Variants in LSAMP observed in about 807,000 individuals in gnomAD.
LSAMP encodes limbic system associated membrane protein.
In LSAMP, 7 loss-of-function variants were observed where a neutral mutation model predicts 38.6. The ratio of observed to expected loss-of-function variants is 0.18; its 90% confidence interval spans 0.10 to 0.34. LSAMP has a LOEUF of 0.34. LSAMP is among the 10% of genes least tolerant of loss of function. LSAMP has a pLI of 1.00. For missense variants in LSAMP, 313 were observed against 420.0 expected (o/e 0.75, Z 2.23); for synonymous variants, 154 against 166.8 (o/e 0.92, Z 0.59).
Position 115,808,413 on chromosome 3 carries a change from C to T in LSAMP, c.*1904G>A, listed in dbSNP as rs1040785962. ...GCAAGGGTTGGTTTTCTGACAAAGA[C>T]ATCTATATGCAGAGAGCCAGCTCTC... On this transcript the variant is annotated 3_prime_UTR_variant, in exon 7 of 7. Transcript: ENST00000490035. 22 of 152,092 alleles carry T rather than the reference C, an allele frequency of 1.4e-4. No homozygotes were observed. The highest frequency in any genetic ancestry group is 4.8e-4 in the African/African-American group (20 of 41,474). The allele number at this position is 152,092 out of a possible 1,614,324, so 9.4% of individuals were successfully genotyped here.
At chr3:116,377,505 T>C (rs1268243014) in intron 1 of LSAMP, among the ~76,000 whole-genome samples, 1 of 152,032 alleles carries the variant, frequency 6.6e-6, no homozygotes, top group Admixed American at 6.6e-5. Flanking sequence ...GTTGATTCCA[T>C]GTCTTTGCTA....
At chr3:116,104,031 A>G (rs1708408212) in intron 1 of LSAMP, among the ~76,000 whole-genome samples, 1 of 152,208 alleles carries the variant, frequency 6.6e-6, no homozygotes. Context: ...CAAAGAATGC[A>G]TTGTTTATTA....
intron 1 of LSAMP, among the ~76,000 whole-genome samples, chr3:116,372,528 G>A (rs527950812): frequency 6.6e-6 from 1 of 151,782 alleles, no homozygotes; most frequent in South Asian, 2.1e-4. Flanking sequence ...GACACCAAAG[G>A]CACAGACAAC....
intron 3 of LSAMP, among the ~76,000 whole-genome samples, chr3:115,886,601 A>G (rs1188410898): frequency 6.6e-6 from 1 of 152,014 alleles, no homozygotes; most frequent in Non-Finnish European, 1.5e-5. Context: ...TTCCCTAAAC[A>G]AAATTGTTAT....
intron 1 of LSAMP, among the ~76,000 whole-genome samples, chr3:116,203,272 G>A (rs1456598476): frequency 2.0e-5 from 3 of 152,060 alleles, no homozygotes; most frequent in Admixed American, 6.6e-5. Context: ...CCTTTATGAG[G>A]TCAAGAAGTT....
intron 1 of LSAMP, among the ~76,000 whole-genome samples, chr3:116,236,358 T>C (rs1559794230): frequency 6.6e-6 from 1 of 152,146 alleles, no homozygotes; most frequent in South Asian, 2.1e-4. Flanking sequence ...ATGTGTAGTA[T>C]AGAGAGGTTC....
chr3:116,236,508 G>A (rs569491351), intron 1 of LSAMP, among the ~76,000 whole-genome samples: 1 of 152,014 alleles, frequency 6.6e-6, no homozygotes, highest in Non-Finnish European at 1.5e-5. Context: ...ACTCACTATT[G>A]GTGCCCACTT....
At chr3:116,303,949 G>C (rs989995394) in intron 1 of LSAMP, among the ~76,000 whole-genome samples, 1 of 152,118 alleles carries the variant, frequency 6.6e-6, no homozygotes, top group Non-Finnish European at 1.5e-5. Context: ...TAATGCCTAT[G>C]GAGGAGTGTG....
intron 1 of LSAMP, among the ~76,000 whole-genome samples, chr3:116,439,453 G>C (rs1009293747): frequency 6.6e-6 from 1 of 151,486 alleles, no homozygotes; most frequent in African/African-American, 2.4e-5. Context: ...GGGACCTACT[G>C]ACTCAAAAAC....
chr3:116,118,688 A>G (rs1045684745), intron 1 of LSAMP, among the ~76,000 whole-genome samples: 1 of 152,176 alleles, frequency 6.6e-6, no homozygotes, highest in Admixed American at 6.5e-5. Flanking sequence ...TCATCTTTGT[A>G]TACACAACAC....
intron 1 of LSAMP, among the ~76,000 whole-genome samples, chr3:116,155,814 A>T (rs1296772051): frequency 1.3e-5 from 2 of 152,092 alleles, no homozygotes; most frequent in African/African-American, 4.8e-5. Flanking sequence ...CATTGATTTC[A>T]GTTGACTATC....
In LSAMP at chr3:116,267,006, T is replaced by A. The variant is rs924826220; in HGVS notation, c.155+177871A>T. 6.1e-4 allele frequency among the ~76,000 whole-genome samples: 93 copies of A among 152,250 alleles called. 1 individual carries two copies. Among genetic ancestry groups the A allele is most frequent in the African/African-American group, 2.1e-3 (88 of 41,552 alleles). ...GTCAACTCATTGACTCTTTATGACA[T>A]CTCATCCTACAGGGCAATGTGATAA... is the stretch of plus-strand genomic sequence containing the variant. On this transcript the variant is annotated intron_variant, in intron 1 of 6. Coordinates refer to ENST00000490035, the MANE Select transcript of LSAMP (RefSeq NM_002338.5).
At chr3:116,169,028 C>G (rs559900387) in intron 1 of LSAMP, among the ~76,000 whole-genome samples, 1 of 152,100 alleles carries the variant, frequency 6.6e-6, no homozygotes, top group African/African-American at 2.4e-5. Flanking sequence ...CAGCAAGACA[C>G]GGTTTTCACA....
intron 2 of LSAMP, among the ~76,000 whole-genome samples, chr3:116,062,249 C>T (rs1941606460): frequency 6.6e-6 from 1 of 152,228 alleles, no homozygotes; most frequent in Non-Finnish European, 1.5e-5. Context: ...TGGCCTATGC[C>T]TGTAATCCCA....
chr3:116,299,899 G>C (rs1239722069), intron 1 of LSAMP, among the ~76,000 whole-genome samples: 1 of 152,318 alleles, frequency 6.6e-6, no homozygotes, highest in Middle Eastern at 3.4e-3. Context: ...CCACAAGTCA[G>C]GTAAGCATTG....
rs143737551 is a variant in LSAMP, at chr3:116,184,868, T to G, written c.156-98312A>C. On this transcript the variant is annotated intron_variant, in intron 1 of 6. Coordinates refer to ENST00000490035, the MANE Select transcript of LSAMP (RefSeq NM_002338.5). ...TTATTTTTCTCTTTCCAACAACAGA[T>G]TCTTTGACTTCACTGGATATTCACA... 6.5e-3 allele frequency among the ~76,000 whole-genome samples: 993 copies of G among 151,992 alleles called. 14 individuals carry two copies. The highest frequency in any genetic ancestry group is 0.023 in the African/African-American group (942 of 41,508).
intron 1 of LSAMP, among the ~76,000 whole-genome samples, chr3:116,127,695 ATTTTTTTT>A (rs67470158): frequency 0.083 from 8,021 of 96,678 alleles, 782 homozygotes; most frequent in African/African-American, 0.27. Flanking sequence ...GTGTTTGTTC[ATTTTTTTT>A]TTTTTTTTTT....
chr3:115,842,379 C>T (rs1935025231), intron 5 of LSAMP, 79 bp downstream of exon 5: 1 of 1,534,050 alleles, frequency 6.5e-7, no homozygotes. Flanking sequence ...ACTGGCTTGG[C>T]TTTGGCTTTG....
rs149978797 is a variant in LSAMP at position 116,096,050 on chromosome 3, C to T, written c.156-9494G>A. 1.2e-3 allele frequency among the ~76,000 whole-genome samples: 182 copies of T among 152,186 alleles called. 1 individual carries two copies. The highest frequency in any genetic ancestry group is 3.9e-3 in the African/African-American group (163 of 41,520). ...TGCATGTGTTTCCTAAGCTATAAAA[C>T]GAAGATGATCATAGTATCTACCTTG... is the stretch of plus-strand genomic sequence containing the variant. On this transcript the variant is annotated intron_variant, in intron 1 of 6. Coordinates refer to ENST00000490035, the MANE Select transcript of LSAMP (RefSeq NM_002338.5).
Sources: allele counts gnomAD v4.1 joint callset (sites outside exome capture counted in the v4.1 genomes callset), GRCh38; gene constraint gnomAD v4.1.1; transcripts MANE v1.5; gene names NCBI Gene and HGNC (gene_info 2026-07-23, HGNC 2026-07-21).